The following PLD1 variants were observed in gnomAD, a reference collection of about 807,000 sequenced individuals.
PLD1 encodes the protein choline phosphatase 1.
Under a neutral mutation model 137.1 loss-of-function variants are expected in PLD1, and 112 were observed. That is an observed-to-expected ratio of 0.82 (90% confidence interval 0.70 to 0.96). PLD1 has a LOEUF of 0.96. Ranked by LOEUF, PLD1 falls within the 40% of genes least tolerant of loss-of-function variation. The pLI is 0.00. For synonymous variants in PLD1, 431 were observed against 454.7 expected, an observed-to-expected ratio of 0.95 and a Z score of 0.66; for missense variants, 1,321 against 1,342.0, an observed-to-expected ratio of 0.98 and a Z score of 0.24.
intron 1 of PLD1, chr3:171,793,284 A>T (rs531000022): frequency 6.6e-6 from 1 of 152,310 alleles, no homozygotes; most frequent in African/African-American, 2.4e-5. Context: ...AATTTTCAGC[A>T]ATTTTGTGAG....
Position 171,620,534 on chromosome 3 carries a change from A to C in PLD1, c.2594-14T>G, listed in dbSNP as rs200139052. The C allele has an allele frequency of 5.2e-5, 78 of 1,499,362 alleles. No individual in the cohort carries two copies. In the African/African-American group the frequency reaches 1.0e-3, roughly 20 times the overall value. The allele number at this position is 1,499,362 out of a possible 1,614,324, so 92.9% of individuals were successfully genotyped here. On this transcript the variant is annotated splice_polypyrimidine_tract_variant and intron_variant, in intron 23 of 26. Transcript: ENST00000351298. Reference sequence around the variant, plus strand: ...ACTGATTACCAACTGCAAATTTAAAAAGAAATTATTAAAATTAATATGACC... The same window carrying C: ...ACTGATTACCAACTGCAAATTTAAACAGAAATTATTAAAATTAATATGACC...
At chr3:171,682,136 GA>G (rs1188100096) in intron 16 of PLD1, among the ~76,000 whole-genome samples, 1 of 92,816 alleles carries the variant, frequency 1.1e-5, no homozygotes, top group African/African-American at 4.7e-5. Context: ...AAGAAAGAAA[GA>G]AAGAAAGAAA....
intron 1 of PLD1, among the ~76,000 whole-genome samples, chr3:171,764,331 G>A (rs1013607804): frequency 2.0e-5 from 3 of 152,124 alleles, no homozygotes. Context: ...CACTTATAAT[G>A]TATGGGGCAT....
chr3:171,674,614 C>G lies in PLD1; in HGVS notation c.2116-1G>C. ...GGGACCGATATTTTGATTTCATAAT[C>G]TAAAATAAAGAAAAAGGATAAAATA... On this transcript the variant is annotated splice_acceptor_variant, in intron 18 of 26. Coordinates refer to ENST00000351298, the MANE Select transcript of PLD1 (RefSeq NM_002662.5). LOFTEE classifies it high-confidence loss of function. 1 of 1,453,716 alleles carries G rather than the reference C, an allele frequency of 6.9e-7. No individual in the cohort carries two copies. The allele number at this position is 1,453,716 out of a possible 1,614,324, so 90.1% of individuals were successfully genotyped here.
At chr3:171,759,305 A>G (rs1443576705) in intron 1 of PLD1, among the ~76,000 whole-genome samples, 2 of 152,284 alleles carry the variant, frequency 1.3e-5, no homozygotes, top group Non-Finnish European at 2.9e-5. Flanking sequence ...CTCCACCTAT[A>G]AAAGTCATGC....
Position 171,773,999 on chromosome 3 carries a change from C to T in PLD1, c.-31-35917G>A, listed in dbSNP as rs535962721. Among the ~76,000 whole-genome samples, 25 of 152,168 alleles carry T rather than the reference C, an allele frequency of 1.6e-4. 1 individual carries two copies. Among genetic ancestry groups the T allele is most frequent in the African/African-American group, 5.5e-4 (23 of 41,444 alleles). ...TCCTGACCTCATGATCCGCCCGCCTCGGCCTCCCAAAGTGCTGGGATTACA... is the reference window on the plus strand; with the variant it reads ...TCCTGACCTCATGATCCGCCCGCCTTGGCCTCCCAAAGTGCTGGGATTACA... On this transcript the variant is annotated intron_variant, in intron 1 of 26. Coordinates refer to ENST00000351298, the MANE Select transcript of PLD1 (RefSeq NM_002662.5).
chr3:171,650,362 T>A (rs1238204569), intron 21 of PLD1, among the ~76,000 whole-genome samples: 1 of 152,138 alleles, frequency 6.6e-6, no homozygotes, highest in South Asian at 2.1e-4. Context: ...AGCTATGCGA[T>A]GTGGCAGGAG....
chr3:171,679,112 C>A (rs1713692051), intron 16 of PLD1, among the ~76,000 whole-genome samples: 1 of 152,234 alleles, frequency 6.6e-6, no homozygotes, highest in South Asian at 2.1e-4. Flanking sequence ...CAATGCCTCA[C>A]CAGTCTATAA....
At chr3:171,655,411 G>C (rs1260043411) in intron 21 of PLD1, among the ~76,000 whole-genome samples, 1 of 151,964 alleles carries the variant, frequency 6.6e-6, no homozygotes, top group African/African-American at 2.4e-5. Flanking sequence ...TCCTAAGCTG[G>C]AGTGTAGTGG....
chr3:171,797,142 G>T (rs1723466860), intron 1 of PLD1, among the ~76,000 whole-genome samples: 2 of 151,858 alleles, frequency 1.3e-5, no homozygotes, highest in Admixed American at 6.6e-5. Flanking sequence ...TATACATTCT[G>T]CACTCTCCCT....
chr3:171,688,135 G>A (rs374878573), intron 14 of PLD1, among the ~76,000 whole-genome samples: 7 of 152,268 alleles, frequency 4.6e-5, no homozygotes, highest in East Asian at 1.9e-4. Context: ...CAGCCATTTA[G>A]TTGAAATAGC....
intron 1 of PLD1, among the ~76,000 whole-genome samples, chr3:171,770,818 G>A (rs1165170348): frequency 6.8e-6 from 1 of 147,796 alleles, no homozygotes; most frequent in Non-Finnish European, 1.5e-5. Flanking sequence ...GAGCCCAAGA[G>A]GTTGAGACTA....
chr3:171,666,062 A>G (rs962098891), intron 19 of PLD1, among the ~76,000 whole-genome samples: 7 of 152,238 alleles, frequency 4.6e-5, no homozygotes, highest in African/African-American at 1.7e-4. Flanking sequence ...TGCTCTGCCT[A>G]GACCATTGAA....
At position 171,600,727 on chromosome 3, in the gene PLD1, T is replaced by C. The variant is rs1255982088; in HGVS notation, c.*2351A>G. ...ATAAAATCCCTCCAAGTAAATCTTA[T>C]CACCCCTTTGCAGATGAGCATCTTG... On this transcript the variant is annotated 3_prime_UTR_variant, in exon 27 of 27. Coordinates refer to ENST00000351298, the MANE Select transcript of PLD1 (RefSeq NM_002662.5). 1 of 151,412 alleles carries C rather than the reference T, an allele frequency of 6.6e-6. No individual in the cohort carries two copies. The highest frequency in any genetic ancestry group is 1.5e-5 in the Non-Finnish European group (1 of 67,912). 9.4% of individuals were successfully genotyped at this position (151,412 alleles called of 1,614,324 possible). A position where few individuals can be genotyped will look rare whatever the true frequency, so the allele number is the denominator to read the frequency against.
intron 23 of PLD1, 79 bp downstream of exon 23, chr3:171,642,761 C>T (rs1261642351): frequency 1.3e-6 from 1 of 781,918 alleles, no homozygotes; most frequent in African/African-American, 1.8e-5. Flanking sequence ...TATAATCACA[C>T]TGTGAAAACA....
At chr3:171,649,862 G>C (rs1560179954) in intron 21 of PLD1, among the ~76,000 whole-genome samples, 1 of 152,028 alleles carries the variant, frequency 6.6e-6, no homozygotes, top group South Asian at 2.1e-4. Flanking sequence ...ATTATGTTGA[G>C]CCAGTCAATG....
intron 1 of PLD1, among the ~76,000 whole-genome samples, chr3:171,775,149 A>T (rs1375509045): frequency 6.6e-6 from 1 of 152,234 alleles, no homozygotes; most frequent in Non-Finnish European, 1.5e-5. Flanking sequence ...AACTAAAATT[A>T]TCATTTCCTT....
chr3:171,691,061 C>A (rs80261376), intron 13 of PLD1, among the ~76,000 whole-genome samples: 2 of 151,948 alleles, frequency 1.3e-5, no homozygotes, highest in Admixed American at 1.3e-4. Context: ...ATATAATGTC[C>A]TTCTTTGTCT....
intron 1 of PLD1, chr3:171,792,018 C>T (rs1409496534): frequency 6.6e-6 from 1 of 152,456 alleles, no homozygotes; most frequent in Non-Finnish European, 1.5e-5. Flanking sequence ...TGGTGTTCTT[C>T]AGGCTTCTGA....
Sources: allele counts gnomAD v4.1 joint callset (sites outside exome capture counted in the v4.1 genomes callset), GRCh38; gene constraint gnomAD v4.1.1; transcripts MANE v1.5; gene names NCBI Gene and HGNC (gene_info 2026-07-23, HGNC 2026-07-21).